LPAR3: variants seen among roughly 807,000 people sequenced by gnomAD.
LPAR3 encodes LPA receptor 3.
Under a neutral mutation model 17.8 loss-of-function variants are expected in LPAR3, and 7 were observed. The observed-to-expected ratio is 0.39, with a 90% confidence interval of 0.22 to 0.74. The LOEUF (loss-of-function observed/expected upper bound fraction) is 0.74, where lower values mean the gene tolerates loss of function less well. Among genes scored for constraint, LPAR3 ranks in the 30% least tolerant of loss-of-function variants. The pLI, the probability that LPAR3 is intolerant of heterozygous loss-of-function variation, is 0.40. For missense variants in LPAR3, 391 were observed against 453.4 expected, an observed-to-expected ratio of 0.86 and a Z score of 1.25; for synonymous variants, 179 against 179.9, an observed-to-expected ratio of 0.99 and a Z score of 0.04.
intron 2 of LPAR3, among the ~76,000 whole-genome samples, chr1:84,851,973 G>A (rs180983471): frequency 6.6e-5 from 10 of 152,228 alleles, no homozygotes; most frequent in East Asian, 1.9e-4. Flanking sequence ...GGAGATGACC[G>A]TTAGCAACAC....
At chr1:84,838,693 C>T (rs575959475) in intron 2 of LPAR3, among the ~76,000 whole-genome samples, 19 of 152,242 alleles carry the variant, frequency 1.2e-4, no homozygotes, top group African/African-American at 3.9e-4. Flanking sequence ...TGTGGTCAAT[C>T]GTCTTTATAT....
At chr1:84,816,938 T>C (rs1031798601) in intron 2 of LPAR3, among the ~76,000 whole-genome samples, 24 of 152,242 alleles carry the variant, frequency 1.6e-4, no homozygotes, top group African/African-American at 5.5e-4. Flanking sequence ...GTGCTTTCTC[T>C]ATGTGATGCC....
chr1:84,830,345 G>A (rs891527296), intron 2 of LPAR3, among the ~76,000 whole-genome samples: 1 of 152,128 alleles, frequency 6.6e-6, no homozygotes. Flanking sequence ...AAGCCAAAGG[G>A]AGGAGGGAAA....
chr1:84,826,012 G>T (rs1437790657), intron 2 of LPAR3, among the ~76,000 whole-genome samples: 1 of 152,088 alleles, frequency 6.6e-6, no homozygotes, highest in Non-Finnish European at 1.5e-5. Flanking sequence ...CTGAGTGTAA[G>T]GTCTTGCTGG....
intron 1 of LPAR3, among the ~76,000 whole-genome samples, chr1:84,870,247 G>A (rs1660133562): frequency 6.6e-6 from 1 of 152,192 alleles, no homozygotes; most frequent in Admixed American, 6.5e-5. Context: ...TTCTCAGAGA[G>A]CCCTTGGTTT....
intron 2 of LPAR3, among the ~76,000 whole-genome samples, chr1:84,856,238 C>T (rs976255864): frequency 7.9e-5 from 12 of 152,252 alleles, no homozygotes; most frequent in Admixed American, 3.3e-4. Context: ...CGAACACCCC[C>T]GGACTCAATG....
At chr1:84,883,154 C>G (rs79865275) in intron 1 of LPAR3, among the ~76,000 whole-genome samples, 4,097 of 152,226 alleles carry the variant, frequency 0.027, 175 homozygotes, top group African/African-American at 0.091. Flanking sequence ...AATGACGTAG[C>G]AAATGTAAAG....
chr1:84,827,731 G>C (rs991043811), intron 2 of LPAR3, among the ~76,000 whole-genome samples: 2 of 152,150 alleles, frequency 1.3e-5, no homozygotes, highest in African/African-American at 2.4e-5. Flanking sequence ...ACTAAATAAA[G>C]TCAACAGAGC....
chr1:84,834,205 T>C (rs1267413465), intron 2 of LPAR3, among the ~76,000 whole-genome samples: 1 of 152,186 alleles, frequency 6.6e-6, no homozygotes, highest in Non-Finnish European at 1.5e-5. Context: ...GGACTATATA[T>C]TGGTACCATT....
chr1:84,825,274 C>T (rs940963453), intron 2 of LPAR3, among the ~76,000 whole-genome samples: 2 of 152,160 alleles, frequency 1.3e-5, no homozygotes, highest in African/African-American at 4.8e-5. Context: ...CTGACTCCAG[C>T]AAAAACTGGG....
intron 1 of LPAR3, among the ~76,000 whole-genome samples, chr1:84,876,303 G>A (rs1289157015): frequency 6.6e-6 from 1 of 152,158 alleles, no homozygotes. Context: ...CTCATCACAT[G>A]CATCTTCCAG....
intron 2 of LPAR3, among the ~76,000 whole-genome samples, chr1:84,860,231 GAA>G (rs1184924140): frequency 6.6e-6 from 1 of 152,098 alleles, no homozygotes; most frequent in African/African-American, 2.4e-5. Flanking sequence ...TACCCTCAAG[GAA>G]AGAGTCTGAA....
chr1:84,842,903 A>G (rs1020796419), intron 2 of LPAR3, among the ~76,000 whole-genome samples: 12 of 152,234 alleles, frequency 7.9e-5, no homozygotes, highest in African/African-American at 2.7e-4. Context: ...AAGATTCCCT[A>G]CATGTTGAGA....
At chr1:84,853,612 GC>G (rs1248243199) in intron 2 of LPAR3, among the ~76,000 whole-genome samples, 2 of 152,112 alleles carry the variant, frequency 1.3e-5, no homozygotes, top group Non-Finnish European at 2.9e-5. Flanking sequence ...GCCCCGATGG[GC>G]CTTCTAGCTG....
Position 84,892,821 on chromosome 1 carries a change from T to C in LPAR3, c.-19+195A>G, listed in dbSNP as rs186491923. 1.5e-3 allele frequency among the ~76,000 whole-genome samples: 224 copies of C among 152,310 alleles called. 2 individuals carry two copies. Among genetic ancestry groups the C allele is most frequent in the African/African-American group, 5.0e-3 (209 of 41,578 alleles). On this transcript the variant is annotated intron_variant, in intron 1 of 2. Transcript: ENST00000370611. Reference sequence around the variant, plus strand: ...GGGAAAAAGGTGGGAAAAGAGCAAGTTGTGCCATACACCCGCCGGGAGAGT... The same window carrying C: ...GGGAAAAAGGTGGGAAAAGAGCAAGCTGTGCCATACACCCGCCGGGAGAGT...
At chr1:84,867,479 C>T (rs1383109819) in intron 1 of LPAR3, among the ~76,000 whole-genome samples, 3 of 152,050 alleles carry the variant, frequency 2.0e-5, no homozygotes, top group Admixed American at 6.6e-5. Context: ...AAATCTAATA[C>T]CACAACCAGA....
chr1:84,875,766 C>T (rs898945992), intron 1 of LPAR3, among the ~76,000 whole-genome samples: 1 of 152,216 alleles, frequency 6.6e-6, no homozygotes, highest in Non-Finnish European at 1.5e-5. Context: ...TTTAAAGTAT[C>T]TGTCCTAATC....
intron 1 of LPAR3, among the ~76,000 whole-genome samples, chr1:84,875,990 T>C (rs1660249242): frequency 6.6e-6 from 1 of 152,162 alleles, no homozygotes; most frequent in South Asian, 2.1e-4. Flanking sequence ...ATCCTCAAAC[T>C]CTACATAGGA....
intron 2 of LPAR3, among the ~76,000 whole-genome samples, chr1:84,858,603 C>G (rs1221692421): frequency 6.6e-6 from 1 of 152,054 alleles, no homozygotes. Context: ...GTGAGGAAAC[C>G]TGGGTTCTGC....
Sources: allele counts gnomAD v4.1 joint callset (sites outside exome capture counted in the v4.1 genomes callset), GRCh38; gene constraint gnomAD v4.1.1; transcripts MANE v1.5; gene names NCBI Gene and HGNC (gene_info 2026-07-23, HGNC 2026-07-21).